The following SLC4A10 variants were observed in gnomAD, a reference collection of about 807,000 sequenced individuals.
The protein encoded by SLC4A10 is sodium-driven chloride bicarbonate exchanger.
SLC4A10 carries 42 observed loss-of-function variants against 137.7 expected under a neutral mutation model. The observed-to-expected ratio is 0.30, with a 90% CI of 0.24 to 0.39. The LOEUF is 0.39. Ranked by LOEUF, SLC4A10 falls within the 10% of genes least tolerant of loss-of-function variation. SLC4A10 has a pLI of 1.00. For missense variants in SLC4A10, 925 were observed against 1,355.0 expected, an observed-to-expected ratio of 0.68 and a Z score of 4.98; for synonymous variants, 474 against 464.1, an observed-to-expected ratio of 1.02 and a Z score of -0.27.
chr2:161,743,054 C>T (rs2048076657), intron 1 of SLC4A10, among the ~76,000 whole-genome samples: 1 of 152,046 alleles, frequency 6.6e-6, no homozygotes, highest in Non-Finnish European at 1.5e-5. Context: ...TATTTTCTCC[C>T]ATTCTGTGGG....
At chr2:161,772,146 G>C (rs865798039) in intron 2 of SLC4A10, among the ~76,000 whole-genome samples, 1 of 151,742 alleles carries the variant, frequency 6.6e-6, no homozygotes, top group African/African-American at 2.4e-5. Flanking sequence ...TTACTGGGGG[G>C]GCCTATTGAT....
intron 1 of SLC4A10, among the ~76,000 whole-genome samples, chr2:161,641,830 A>G (rs2035363480): frequency 6.6e-6 from 1 of 152,076 alleles, no homozygotes; most frequent in Admixed American, 6.5e-5. Context: ...GGTGAACTTA[A>G]TATCCACATT....
intron 8 of SLC4A10, among the ~76,000 whole-genome samples, chr2:161,878,133 C>T (rs1264525585): frequency 6.6e-6 from 1 of 152,020 alleles, no homozygotes; most frequent in South Asian, 2.1e-4. Flanking sequence ...ATCTTCTCAG[C>T]CCCACTCATA....
chr2:161,790,228 A>G (rs548697894), intron 2 of SLC4A10, among the ~76,000 whole-genome samples: 4 of 152,340 alleles, frequency 2.6e-5, no homozygotes, highest in Non-Finnish European at 2.9e-5. Context: ...AAAGTTTTAT[A>G]GTTAGAAAAT....
chr2:161,743,362 T>A lies in SLC4A10; in HGVS notation c.49-27611T>A, dbSNP rs567389781. On this transcript the variant is annotated intron_variant, in intron 1 of 26. Transcript: ENST00000446997. ...GAATATCCAGTTTTCCCAGCACCAT[T>A]TATTGAAGAGACTGTCCTTTCTCCA... Among the ~76,000 whole-genome samples the A allele has an allele frequency of 4.6e-5, 7 of 152,314 alleles. No homozygotes were observed. The South Asian group carries it at 1.4e-3, about 32-fold the overall frequency.
chr2:161,702,024 T>C (rs1320263173), intron 1 of SLC4A10, among the ~76,000 whole-genome samples: 1 of 151,896 alleles, frequency 6.6e-6, no homozygotes, highest in Non-Finnish European at 1.5e-5. Context: ...AAAATAGAAC[T>C]ACCATATGAC....
intron 1 of SLC4A10, among the ~76,000 whole-genome samples, chr2:161,660,592 C>CTTTCTTTCT (rs1553479863): frequency 4.2e-5 from 5 of 118,764 alleles, no homozygotes; most frequent in Admixed American, 8.5e-5. Flanking sequence ...TTCTTTCTTT[C>CTTTCTTTCT]TTTCTTTCTT....
chr2:161,795,852 A>G (rs1220682268), intron 2 of SLC4A10, among the ~76,000 whole-genome samples: 2 of 152,012 alleles, frequency 1.3e-5, no homozygotes, highest in African/African-American at 2.4e-5. Context: ...TCTTTTTTTT[A>G]ACTCTAAACT....
At position 161,901,001 on chromosome 2, in the gene SLC4A10, C is replaced by A. The variant is rs977206618; in HGVS notation, c.1432C>A (p.Arg478=). Reference sequence around the variant, plus strand: ...AGGACATAGTGGACCTGAACTCCAGCGAACTGGAAGGTTAGTGAAAATCAC... The same window carrying A: ...AGGACATAGTGGACCTGAACTCCAGAGAACTGGAAGGTTAGTGAAAATCAC... The part of the protein sequence containing the change: ...HGGHSGPELQ[R]TGRIFGGLIL... Residue 478 remains arginine, a synonymous_variant, in exon 12 of 27, where the codon CGA becomes AGA. Transcript: ENST00000446997. The A allele has an allele frequency of 3.2e-6, 5 of 1,562,228 alleles. No homozygotes were observed. The highest frequency in any genetic ancestry group is 1.4e-5 in the African/African-American group (1 of 73,442).
intron 1 of SLC4A10, among the ~76,000 whole-genome samples, chr2:161,677,686 G>A (rs1339137678): frequency 6.6e-6 from 1 of 152,094 alleles, no homozygotes; most frequent in Non-Finnish European, 1.5e-5. Flanking sequence ...CTTTACATCA[G>A]TTATCTCATT....
At chr2:161,976,710 C>A (rs754567486) in intron 24 of SLC4A10, 50 bp from the exon 25 acceptor site, 1 of 874,710 alleles carries the variant, frequency 1.1e-6, no homozygotes, top group South Asian at 2.2e-5. Flanking sequence ...TGAAAAACTG[C>A]AGTTACTTAT....
At chr2:161,722,346 A>G (rs2045773893) in intron 1 of SLC4A10, among the ~76,000 whole-genome samples, 1 of 151,904 alleles carries the variant, frequency 6.6e-6, no homozygotes, top group Non-Finnish European at 1.5e-5. Context: ...GGGGCTGCTG[A>G]CCTTTGGATG....
intron 1 of SLC4A10, among the ~76,000 whole-genome samples, chr2:161,698,848 T>C (rs2042832914): frequency 6.6e-6 from 1 of 152,156 alleles, no homozygotes; most frequent in Non-Finnish European, 1.5e-5. Context: ...GATAACCTCT[T>C]TTTCATATTG....
chr2:161,902,647 A>G (rs1419445417), intron 12 of SLC4A10, among the ~76,000 whole-genome samples: 2 of 152,182 alleles, frequency 1.3e-5, no homozygotes, highest in Non-Finnish European at 2.9e-5. Context: ...CTCTAATGGA[A>G]GCAATCACAG....
rs183656686 is a variant in SLC4A10 at position 161,791,899 on chromosome 2, A to G, written c.131-12550A>G. On this transcript the variant is annotated intron_variant, in intron 2 of 26. Transcript: ENST00000446997. ...TAAATTTGATCATGGTTTATTTGACAGTTTACAAGTACTTGCAGGCATGTG... is the reference window on the plus strand; with the variant it reads ...TAAATTTGATCATGGTTTATTTGACGGTTTACAAGTACTTGCAGGCATGTG... 2.2e-4 allele frequency among the ~76,000 whole-genome samples: 34 copies of G among 152,314 alleles called. No individual in the cohort carries two copies. In the East Asian group the frequency reaches 6.4e-3, roughly 29 times the overall value.
chr2:161,689,511 C>G (rs1444727006), intron 1 of SLC4A10, among the ~76,000 whole-genome samples: 1 of 152,142 alleles, frequency 6.6e-6, no homozygotes, highest in Non-Finnish European at 1.5e-5. Context: ...TACCTTATAG[C>G]ATAGGTGTGT....
chr2:161,929,206 G>A (rs1210560346), intron 15 of SLC4A10, among the ~76,000 whole-genome samples: 1 of 152,128 alleles, frequency 6.6e-6, no homozygotes, highest in Non-Finnish European at 1.5e-5. Flanking sequence ...ACTTCAACGA[G>A]AAAGAGACTC....
At chr2:161,978,182 C>T (rs1355219600) in intron 26 of SLC4A10, among the ~76,000 whole-genome samples, 1 of 151,710 alleles carries the variant, frequency 6.6e-6, no homozygotes, top group East Asian at 1.9e-4. Flanking sequence ...GTCAGGAGTT[C>T]GAGACAAGCT....
At chr2:161,774,081 C>T (rs917497507) in intron 2 of SLC4A10, among the ~76,000 whole-genome samples, 1 of 151,780 alleles carries the variant, frequency 6.6e-6, no homozygotes, top group Admixed American at 6.6e-5. Flanking sequence ...TCTAAGCCTA[C>T]TTCTGTTTCC....
Sources: gnomAD v4.1 joint callset for allele counts (sites outside exome capture counted in the v4.1 genomes callset) on GRCh38, gnomAD v4.1.1 for gene constraint, MANE v1.5 for transcripts, NCBI Gene and HGNC (gene_info 2026-07-23, HGNC 2026-07-21) for gene names.